Variants in MKX observed in about 807,000 individuals in gnomAD.
The protein encoded by MKX is mohawk homeobox.
Under a neutral mutation model 36.0 loss-of-function variants are expected in MKX, and 13 were observed. The observed-to-expected ratio is 0.36, with a 90% CI of 0.24 to 0.57. MKX has a LOEUF of 0.57. Ranked by LOEUF, MKX falls within the 20% of genes least tolerant of loss-of-function variation. The pLI is 0.79. For missense variants in MKX, 458 were observed against 456.4 expected, an observed-to-expected ratio of 1.00 and a Z score of -0.03; for synonymous variants, 176 against 178.3, an observed-to-expected ratio of 0.99 and a Z score of 0.10.
At position 27,736,906 on chromosome 10, in the gene MKX, A is replaced by G. The variant is rs1049504198; in HGVS notation, c.349-1532T>C. On this transcript the variant is annotated intron_variant, in intron 3 of 6. Transcript: ENST00000419761. Reference sequence around the variant, plus strand: ...GCATTTCAGAAGTCAGTCTTCACCAATGCTTCTTCCTGCTAAGCTATGTTA... The same window carrying G: ...GCATTTCAGAAGTCAGTCTTCACCAGTGCTTCTTCCTGCTAAGCTATGTTA... Among the ~76,000 whole-genome samples, 7 of 152,120 alleles carry G rather than the reference A, an allele frequency of 4.6e-5. No individual in the cohort carries two copies. In the East Asian group the frequency reaches 7.7e-4, roughly 17 times the overall value.
rs1391922537 is a variant in MKX, at chr10:27,711,483, C to CTTTT, written c.838+22972_838+22973insAAAA. Among the ~76,000 whole-genome samples the CTTTT allele has an allele frequency of 3.5e-3, 221 of 63,288 alleles. 8 individuals carry two copies. The highest frequency in any genetic ancestry group is 0.012 in the African/African-American group (207 of 17,344). The allele number at this position is 63,288 out of a possible 152,430, so 41.5% of individuals were successfully genotyped here. ...TCTTTCTTTCTTTCTTTCTTTCTTT[C>CTTTT]TCTCTCTCTCTCTTCTTTCCTTCCT... On this transcript the variant is annotated intron_variant, in intron 5 of 6. Transcript: ENST00000419761.
intron 5 of MKX, among the ~76,000 whole-genome samples, chr10:27,718,895 A>G (rs1472899012): frequency 2.0e-5 from 3 of 152,194 alleles, no homozygotes; most frequent in African/African-American, 7.2e-5. Flanking sequence ...CATTGTGTGC[A>G]CAGTTACTCT....
intron 5 of MKX, among the ~76,000 whole-genome samples, chr10:27,687,402 A>G (rs917024591): frequency 5.3e-5 from 8 of 152,224 alleles, no homozygotes; most frequent in African/African-American, 1.9e-4. Context: ...AATTCCATTA[A>G]TAACAACAAT....
At chr10:27,704,828 C>G (rs1335966957) in intron 5 of MKX, among the ~76,000 whole-genome samples, 1 of 151,858 alleles carries the variant, frequency 6.6e-6, no homozygotes, top group East Asian at 1.9e-4. Flanking sequence ...ATTCTAGAAG[C>G]TATAAAAAAT....
Position 27,743,502 on chromosome 10 carries a change from G to C in MKX, c.-82-5C>G. 7.4e-7 allele frequency: 1 copy of C among 1,351,548 alleles called. No individual in the cohort carries two copies. The highest frequency in any genetic ancestry group is 9.8e-7 in the Non-Finnish European group (1 of 1,017,206). 83.7% of individuals were successfully genotyped at this position (1,351,548 alleles called of 1,614,324 possible). Reference sequence around the variant, plus strand: ...CTCCGCAGCGGGGCTCGGCTTCTAGGAGAGGAAGGTGCATCTCGTTACTTA... The same window carrying C: ...CTCCGCAGCGGGGCTCGGCTTCTAGCAGAGGAAGGTGCATCTCGTTACTTA... On this transcript the variant is annotated splice_region_variant and splice_polypyrimidine_tract_variant and intron_variant, in intron 1 of 6. Transcript: ENST00000419761.
Position 27,721,659 on chromosome 10 carries a change from A to T in MKX, c.838+12797T>A, listed in dbSNP as rs372181417. Among the ~76,000 whole-genome samples the T allele has an allele frequency of 2.6e-5, 4 of 152,284 alleles. 1 individual carries two copies. The highest frequency in any genetic ancestry group is 9.6e-5 in the African/African-American group (4 of 41,570). ...CAAGGGGAGGGAAAGCATCAGGAAA[A>T]ATAGCTAAAGCATGTTGGGCTTAAT... On this transcript the variant is annotated intron_variant, in intron 5 of 6. Coordinates refer to ENST00000419761, the MANE Select transcript of MKX (RefSeq NM_173576.3).
chr10:27,684,987 C>T (rs985236166), intron 5 of MKX, among the ~76,000 whole-genome samples: 4 of 152,300 alleles, frequency 2.6e-5, no homozygotes, highest in Admixed American at 6.5e-5. Context: ...ATGCCAGAAA[C>T]GATACAAATG....
At chr10:27,734,310 AC>A in intron 5 of MKX, 145 bp downstream of exon 5, 1 of 700,886 alleles carries the variant, frequency 1.4e-6, no homozygotes, top group Non-Finnish European at 2.2e-6. Context: ...GCAATTCTAA[AC>A]AAAACGAAAG....
intron 5 of MKX, among the ~76,000 whole-genome samples, chr10:27,690,541 T>C (rs2132508710): frequency 6.6e-6 from 1 of 152,348 alleles, no homozygotes; most frequent in South Asian, 2.1e-4. Flanking sequence ...GGGCAAGTTA[T>C]TTACACACAC....
intron 5 of MKX, among the ~76,000 whole-genome samples, chr10:27,725,836 C>T (rs1834476653): frequency 6.6e-6 from 1 of 152,150 alleles, no homozygotes; most frequent in Admixed American, 6.6e-5. Flanking sequence ...AAAGCATTTA[C>T]AAACCTAACT....
chr10:27,694,188 G>T (rs1382559147), intron 5 of MKX, among the ~76,000 whole-genome samples: 2 of 151,982 alleles, frequency 1.3e-5, no homozygotes, highest in African/African-American at 4.8e-5. Flanking sequence ...ATTATAGAGA[G>T]AAATGTAATA....
rs10632508 is a variant in MKX at position 27,714,009 on chromosome 10, C to CAAAAAAAAA, written c.838+20438_838+20446dup. On this transcript the variant is annotated intron_variant, in intron 5 of 6. Coordinates refer to ENST00000419761, the MANE Select transcript of MKX (RefSeq NM_173576.3). ...GAGTACAGCAAATTTGTGCAAAGACCAAAAAAAAAAAAAAAAAAAAGAGGC... is the reference window on the plus strand; with the variant it reads ...GAGTACAGCAAATTTGTGCAAAGACCAAAAAAAAAAAAAAAAAAAAAAAAAAAAAGAGGC... Among the ~76,000 whole-genome samples the CAAAAAAAAA allele has an allele frequency of 7.8e-5, 8 of 102,518 alleles. No homozygotes were observed. The East Asian group carries it at 1.0e-3, about 13-fold the overall frequency. The allele number at this position is 102,518 out of a possible 152,430, so 67.3% of individuals were successfully genotyped here.
intron 5 of MKX, among the ~76,000 whole-genome samples, chr10:27,725,085 T>C (rs141274637): frequency 6.6e-6 from 1 of 152,196 alleles, no homozygotes; most frequent in African/African-American, 2.4e-5. Context: ...TTAGACTTAC[T>C]GTACAAAGGA....
At chr10:27,721,064 A>G (rs1361222742) in intron 5 of MKX, among the ~76,000 whole-genome samples, 2 of 152,200 alleles carry the variant, frequency 1.3e-5, no homozygotes, top group Admixed American at 6.5e-5. Flanking sequence ...AAAGATGACC[A>G]GAATAAATGG....
intron 5 of MKX, among the ~76,000 whole-genome samples, chr10:27,710,516 C>T (rs1436876966): frequency 1.3e-5 from 2 of 152,212 alleles, no homozygotes; most frequent in South Asian, 2.1e-4. Context: ...AGGGACTCCT[C>T]CTCTGGGGGC....
At chr10:27,710,416 C>G (rs943542649) in intron 5 of MKX, among the ~76,000 whole-genome samples, 1 of 152,196 alleles carries the variant, frequency 6.6e-6, no homozygotes, top group African/African-American at 2.4e-5. Context: ...ACCAGCTCAT[C>G]TTTAGTTTCT....
Position 27,743,399 on chromosome 10 carries a change from A to T in MKX, c.17T>A (p.Phe6Tyr). 1 of 1,564,436 alleles carries T rather than the reference A, an allele frequency of 6.4e-7. No individual in the cohort carries two copies. The highest frequency in any genetic ancestry group is 2.4e-5 in the East Asian group (1 of 40,984). ...CAGCACCGCACCGCTGAGCTTGTTG[A>T]AGACGATGGTGTTCATGGTGTCGGT... MNTIV[F>Y]NKLSGAVLFE... is the part of the protein sequence containing the mutation. The change falls in exon 2 of 7, where the codon TTC becomes TAC. Residue 6 changes from phenylalanine (F) to tyrosine (Y), a missense_variant. Phe to Tyr is a conservative substitution (Grantham distance 22, BLOSUM62 3). Around this residue, in one of 3 missense-constraint regions of MKX, gnomAD observed 149 missense variants for 114.3 expected, o/e 1.30. Coordinates refer to ENST00000419761, the MANE Select transcript of MKX (RefSeq NM_173576.3).
intron 5 of MKX, among the ~76,000 whole-genome samples, chr10:27,725,086 G>A (rs554793947): frequency 8.5e-5 from 13 of 152,308 alleles, no homozygotes; most frequent in African/African-American, 3.1e-4. Context: ...TAGACTTACT[G>A]TACAAAGGAT....
intron 5 of MKX, among the ~76,000 whole-genome samples, chr10:27,709,688 A>G (rs1836819310): frequency 6.6e-6 from 1 of 152,150 alleles, no homozygotes; most frequent in Non-Finnish European, 1.5e-5. Context: ...TTTTAAGCCA[A>G]ATTAAACTCT....
Sources: gnomAD v4.1 joint callset for allele counts (sites outside exome capture counted in the v4.1 genomes callset) on GRCh38, gnomAD v4.1.1 for gene constraint, gnomAD v4.1.1 regional missense constraint, MANE v1.5 for transcripts, NCBI Gene and HGNC (gene_info 2026-07-23, HGNC 2026-07-21) for gene names.